DNAH5: variants seen among roughly 807,000 people sequenced by gnomAD.
DNAH5 encodes axonemal beta dynein heavy chain 5.
In DNAH5, 372 loss-of-function variants were observed where a neutral mutation model predicts 518.2. That is an observed-to-expected ratio of 0.72 (90% CI 0.66 to 0.78). The LOEUF (loss-of-function observed/expected upper bound fraction) is 0.78, where lower values mean the gene tolerates loss of function less well. Ranked by LOEUF, DNAH5 falls within the 30% of genes least tolerant of loss-of-function variation. DNAH5 has a pLI of 0.00. For synonymous variants in DNAH5, 2,039 were observed against 2,025.9 expected (o/e 1.01, Z -0.17); for missense variants, 5,523 against 5,687.0 (o/e 0.97, Z 0.93).
intron 1 of DNAH5, among the ~76,000 whole-genome samples, chr5:13,983,625 T>A (rs1295235516): frequency 6.6e-6 from 1 of 152,026 alleles, no homozygotes; most frequent in East Asian, 1.9e-4. Context: ...GGATCTGGGG[T>A]CCTGGACCAT....
chr5:13,840,305 C>T lies in DNAH5; in HGVS notation c.5709+601G>A, dbSNP rs77336231. On this transcript the variant is annotated intron_variant, in intron 34 of 78. Coordinates refer to ENST00000265104, the MANE Select transcript of DNAH5 (RefSeq NM_001369.3). ...TATTATGAGAATAAGAGCTTTTTGC[C>T]TCTAATTTATTTTATAGTAGAGGAC... 1.1e-3 allele frequency among the ~76,000 whole-genome samples: 165 copies of T among 150,986 alleles called. 2 individuals are homozygous for T. The East Asian group carries it at 0.03, about 27-fold the overall frequency.
At chr5:13,852,170 T>C (rs1192564926) in intron 30 of DNAH5, among the ~76,000 whole-genome samples, 1 of 152,106 alleles carries the variant, frequency 6.6e-6, no homozygotes, top group African/African-American at 2.4e-5. Flanking sequence ...GCAGTTTTTT[T>C]TGTTTTTTGT....
intron 47 of DNAH5, among the ~76,000 whole-genome samples, chr5:13,802,201 C>T (rs1758862498): frequency 6.6e-6 from 1 of 152,094 alleles, no homozygotes; most frequent in African/African-American, 2.4e-5. Context: ...ATTTATGAAA[C>T]CTAAACAAGA....
intron 9 of DNAH5, among the ~76,000 whole-genome samples, chr5:13,915,776 G>C (rs2151984327): frequency 6.6e-6 from 1 of 152,172 alleles, no homozygotes; most frequent in South Asian, 2.1e-4. Context: ...CTTAGAGACT[G>C]TTCAAAATGA....
intron 10 of DNAH5, 89 bp downstream of exon 10, chr5:13,914,431 T>C: frequency 7.1e-7 from 1 of 1,414,970 alleles, no homozygotes; most frequent in East Asian, 2.3e-5. Context: ...TATCAACCAA[T>C]GATATAATAA....
intron 43 of DNAH5, among the ~76,000 whole-genome samples, chr5:13,813,187 T>C (rs1446293291): frequency 6.6e-6 from 1 of 152,148 alleles, no homozygotes; most frequent in African/African-American, 2.4e-5. Context: ...ATTTAAAACA[T>C]ATAGGATATT....
Position 13,894,708 on chromosome 5 carries a change from T to A in DNAH5, c.2373A>T (p.Ala791=), listed in dbSNP as rs1040388322. ...CAATATTCAGTGATGTCCAGGTCAG[T>A]GCAGCCAAGCCAGGTTGGAGAGCTT... ...VDEALQPGLA[A]LTWTSLNIEA... is the part of the protein sequence containing the mutation. The change falls in exon 16 of 79, where the codon GCA becomes GCT. Residue 791 remains alanine (A), a synonymous_variant. Coordinates refer to ENST00000265104, the MANE Select transcript of DNAH5 (RefSeq NM_001369.3). 6.2e-7 allele frequency: 1 copy of A among 1,614,008 alleles called. No individual in the cohort carries two copies. Among genetic ancestry groups the A allele is most frequent in the African/African-American group, 1.3e-5 (1 of 74,930 alleles).
Position 13,777,230 on chromosome 5 carries a change from T to C in DNAH5, c.9077A>G (p.Tyr3026Cys), listed in dbSNP as rs751032242. The change falls in exon 54 of 79, where the codon TAT becomes TGT. Residue 3026 changes from tyrosine to cysteine, a missense_variant. Tyr to Cys is a radical substitution (Grantham distance 194). Around this residue, in one of 3 missense-constraint regions of DNAH5, gnomAD observed 5,121 missense variants for 5,223.3 expected, o/e 0.98. Transcript: ENST00000265104. ...NEIKDESFLE[Y>C]MNNVLSSGEV... is the part of the protein sequence containing the mutation. ...ACCTGATGATAAAACATTGTTCATA[T>C]ATTCCAAAAATGACTCATCTTTAAT... 3.1e-6 allele frequency: 5 copies of C among 1,612,874 alleles called. No homozygotes were observed. The African/African-American group carries it at 6.7e-5, about 22-fold the overall frequency.
At chr5:13,905,268 C>G (rs922687988) in intron 12 of DNAH5, among the ~76,000 whole-genome samples, 1 of 152,162 alleles carries the variant, frequency 6.6e-6, no homozygotes. Context: ...AGAGGTGGCA[C>G]CACTAAGAGG....
intron 66 of DNAH5, 99 bp from the exon 67 acceptor site, chr5:13,736,031 T>C: frequency 2.1e-6 from 2 of 960,426 alleles, no homozygotes; most frequent in East Asian, 2.5e-5. Context: ...ACAACAACTT[T>C]TATTTTAGGC....
chr5:13,703,987 A>T (rs1430294881), intron 76 of DNAH5, among the ~76,000 whole-genome samples: 4 of 152,150 alleles, frequency 2.6e-5, no homozygotes, highest in Non-Finnish European at 5.9e-5. Flanking sequence ...TGCTGTGATG[A>T]CTTCAGAGGC....
chr5:13,997,015 A>G (rs1255448952), intron 1 of DNAH5, among the ~76,000 whole-genome samples: 1 of 152,186 alleles, frequency 6.6e-6, no homozygotes, highest in Non-Finnish European at 1.5e-5. Flanking sequence ...ATCTAGGTGG[A>G]GACAGCCATT....
At chr5:13,823,493 T>C (rs574206082) in intron 39 of DNAH5, 123 bp from the exon 40 acceptor site, 4 of 694,410 alleles carry the variant, frequency 5.8e-6, no homozygotes, top group East Asian at 2.7e-5. Flanking sequence ...AAATAACATA[T>C]CACCTTTATT....
intron 1 of DNAH5, among the ~76,000 whole-genome samples, chr5:13,934,269 C>G (rs2152014340): frequency 6.6e-6 from 1 of 152,266 alleles, no homozygotes. Flanking sequence ...TTTGAGTAAG[C>G]TGTCTTGGAT....
intron 22 of DNAH5, among the ~76,000 whole-genome samples, chr5:13,873,030 G>A (rs1047986104): frequency 1.3e-5 from 2 of 152,110 alleles, no homozygotes; most frequent in Non-Finnish European, 2.9e-5. Context: ...TTGGGTGATG[G>A]ATACCCTAAA....
At position 13,844,918 on chromosome 5, in the gene DNAH5, C is replaced by A. The variant is rs753621935; in HGVS notation, c.5190G>T (p.Gly1730=). 6.8e-6 allele frequency: 11 copies of A among 1,614,136 alleles called. No individual in the cohort carries two copies. In the East Asian group the frequency reaches 2.2e-4, roughly 33 times the overall value. ...VSDPALLEIL[G]QASDSHTIQA... is the part of the protein sequence containing the mutation. ...GTATAGTGTGGGAGTCCGACGCCTG[C>A]CCCAGAATCTCTAGAAGGGCAGGAT... The change falls in exon 32 of 79, where the codon GGG becomes GGT. Residue 1730 remains glycine (G), a synonymous_variant. Coordinates refer to ENST00000265104, the MANE Select transcript of DNAH5 (RefSeq NM_001369.3).
chr5:13,848,312 G>A (rs966409099), intron 31 of DNAH5, among the ~76,000 whole-genome samples: 1 of 152,168 alleles, frequency 6.6e-6, no homozygotes, highest in Admixed American at 6.5e-5. Context: ...CGTTGGCTAT[G>A]GCCATGGTGT....
intron 1 of DNAH5, among the ~76,000 whole-genome samples, chr5:13,970,353 T>C (rs572337046): frequency 1.3e-5 from 2 of 152,252 alleles, no homozygotes; most frequent in East Asian, 1.9e-4. Context: ...GAATACCTCA[T>C]TGGTTTTTTT....
At chr5:13,973,781 G>A (rs1272462015) in intron 1 of DNAH5, among the ~76,000 whole-genome samples, 1 of 150,854 alleles carries the variant, frequency 6.6e-6, no homozygotes, top group South Asian at 2.1e-4. Flanking sequence ...ATAAACAGAA[G>A]GCTCTCGTGT....
Sources: gnomAD v4.1 joint callset for allele counts (sites outside exome capture counted in the v4.1 genomes callset) on GRCh38, gnomAD v4.1.1 for gene constraint, gnomAD v4.1.1 regional missense constraint, MANE v1.5 for transcripts, NCBI Gene and HGNC (gene_info 2026-07-23, HGNC 2026-07-21) for gene names.